The following ADAM20 variants were observed in gnomAD, a reference collection of about 807,000 sequenced individuals.
ADAM20 encodes the protein ADAM metallopeptidase domain 20.
For synonymous variants in ADAM20, 305 were observed against 310.2 expected (o/e 0.98, Z 0.18); for missense variants, 871 against 883.2 (o/e 0.99, Z 0.18).
Position 70,524,595 on chromosome 14 carries a change from C to T in ADAM20, c.163G>A (p.Ala55Thr), listed in dbSNP as rs1361765153. 3 of 1,613,996 alleles carry T rather than the reference C, an allele frequency of 1.9e-6. No homozygotes were observed. The highest frequency in any genetic ancestry group is 1.7e-6 in the Non-Finnish European group (2 of 1,179,954). The change falls in exon 2 of 2, where the codon GCA becomes ACA. Residue 55 changes from alanine (A) to threonine (T), a missense_variant. Ala to Thr is a moderately conservative substitution (Grantham distance 58, BLOSUM62 0). Coordinates refer to ENST00000256389, the MANE Select transcript of ADAM20 (RefSeq NM_003814.5). ...TAGGAGAGCCATCCAGGAGCCTTTG[C>T]ACCTCTGCCCCTGCTGATCACCTTC... Reference protein sequence around the residue: ...PLKVISRGRGAKAPGWLSYSL... With the variant: ...PLKVISRGRGTKAPGWLSYSL...
At chr14:70,524,979 G>C (rs779071246) in intron 1 of ADAM20, 46 bp from the exon 2 acceptor site, 2 of 1,487,672 alleles carry the variant, frequency 1.3e-6, no homozygotes, top group Middle Eastern at 2.5e-4. Context: ...GGGAGAAAGA[G>C]AGAGAGAAAA....
the ADAM20 span, among the ~76,000 whole-genome samples, chr14:70,555,949 G>A: frequency 6.6e-6 from 1 of 152,166 alleles, no homozygotes. Context: ...GACCAAGGAC[G>A]AGAAACCACT....
At chr14:70,567,182 A>C in the ADAM20 span, among the ~76,000 whole-genome samples, 2 of 152,162 alleles carry the variant, frequency 1.3e-5, no homozygotes. Flanking sequence ...CTGAGATGAC[A>C]GGTGCAATAC....
chr14:70,559,486 A>G, the ADAM20 span, among the ~76,000 whole-genome samples: 3 of 152,050 alleles, frequency 2.0e-5, no homozygotes, highest in Non-Finnish European at 2.9e-5. Flanking sequence ...ATCCATTCTT[A>G]TACTCGACAC....
At chr14:70,561,953 T>A in the ADAM20 span, among the ~76,000 whole-genome samples, 1 of 151,924 alleles carries the variant, frequency 6.6e-6, no homozygotes, top group South Asian at 2.1e-4. Flanking sequence ...GGGATTGGAG[T>A]CCCCACATAG....
At chr14:70,545,660 G>A in the ADAM20 span, among the ~76,000 whole-genome samples, 1 of 152,118 alleles carries the variant, frequency 6.6e-6, no homozygotes, top group African/African-American at 2.4e-5. Flanking sequence ...TCATCAAGAG[G>A]ATATGACAAT....
chr14:70,549,279 G>C, the ADAM20 span, among the ~76,000 whole-genome samples: 1 of 74,220 alleles, frequency 1.3e-5, no homozygotes, highest in African/African-American at 6.2e-5. Context: ...ACATCATCAT[G>C]ACAGGATCAA....
the ADAM20 span, among the ~76,000 whole-genome samples, chr14:70,555,009 A>G: frequency 2.6e-5 from 4 of 152,222 alleles, no homozygotes; most frequent in African/African-American, 4.8e-5. Flanking sequence ...GGTATGCCCT[A>G]TGTAAATGGA....
At chr14:70,573,366 T>C in the ADAM20 span, among the ~76,000 whole-genome samples, 2 of 152,256 alleles carry the variant, frequency 1.3e-5, no homozygotes, top group African/African-American at 4.8e-5. Context: ...CACTTATCAA[T>C]TGGCTAAACA....
chr14:70,532,226 G>T (rs1396561743), intron 1 of ADAM20, among the ~76,000 whole-genome samples: 1 of 151,954 alleles, frequency 6.6e-6, no homozygotes, highest in Non-Finnish European at 1.5e-5. Flanking sequence ...ACTACACAAT[G>T]GGGGAAAAAT....
chr14:70,579,255 A>G, the ADAM20 span, among the ~76,000 whole-genome samples: 3 of 152,006 alleles, frequency 2.0e-5, no homozygotes, highest in African/African-American at 7.2e-5. Context: ...CTTTGCAAAA[A>G]TCTCCAAACT....
the ADAM20 span, among the ~76,000 whole-genome samples, chr14:70,567,153 T>C: frequency 6.6e-6 from 1 of 152,164 alleles, no homozygotes; most frequent in Non-Finnish European, 1.5e-5. Flanking sequence ...TAGGAATTCA[T>C]GTACTCCCCT....
rs201128252 is a variant in ADAM20, at chr14:70,524,633, A to G, written c.125T>C (p.Val42Ala). ...GCTGATCACCTTCAAAGGGATCACC[A>G]CTTCTGGAGAAGTGAAATACTGGGA... Reference protein sequence around the residue: ...RPSQYFTSPEVVIPLKVISRG... With the variant: ...RPSQYFTSPEAVIPLKVISRG... Residue 42 changes from valine (V) to alanine (A), a missense_variant, in exon 2 of 2, where the codon GTG (valine) becomes GCG (alanine). Transcript: ENST00000256389. The G allele has an allele frequency of 6.2e-7, 1 of 1,613,996 alleles. No individual in the cohort carries two copies. Among genetic ancestry groups the G allele is most frequent in the East Asian group, 2.2e-5 (1 of 44,878 alleles).
chr14:70,536,465 C>CAAAAAAA (rs56738784), upstream of ADAM20, among the ~76,000 whole-genome samples: 227 of 43,116 alleles, frequency 5.3e-3, 7 homozygotes, highest in Non-Finnish European at 5.6e-3. Flanking sequence ...AACTCTGTCT[C>CAAAAAAA]AAAAAAAAAA....
chr14:70,524,591 T>C lies in ADAM20; in HGVS notation c.167A>G (p.Lys56Arg). ...LKVISRGRGA[K>R]APGWLSYSLR... ...GCTATAGGAGAGCCATCCAGGAGCC[T>C]TTGCACCTCTGCCCCTGCTGATCAC... is the stretch of plus-strand genomic sequence containing the variant. The change falls in exon 2 of 2, where the codon AAG becomes AGG. Residue 56 changes from lysine to arginine, a missense_variant. By Grantham distance (26) the Lys-to-Arg change is conservative. Coordinates refer to ENST00000256389, the MANE Select transcript of ADAM20 (RefSeq NM_003814.5). 6.2e-7 allele frequency: 1 copy of C among 1,613,942 alleles called. No homozygotes were observed. Among genetic ancestry groups the C allele is most frequent in the Non-Finnish European group, 8.5e-7 (1 of 1,179,938 alleles).
the ADAM20 span, among the ~76,000 whole-genome samples, chr14:70,544,579 AC>A: frequency 7.9e-5 from 12 of 152,208 alleles, no homozygotes; most frequent in Non-Finnish European, 7.4e-5. Flanking sequence ...CAGAGAAAAT[AC>A]CTAATTAAAC....
chr14:70,525,012 T>C, intron 1 of ADAM20, 79 bp from the exon 2 acceptor site: 1 of 1,248,606 alleles, frequency 8.0e-7, no homozygotes, highest in Admixed American at 2.4e-5. Flanking sequence ...TTCCTGCATT[T>C]GGACCATATT....
the ADAM20 span, among the ~76,000 whole-genome samples, chr14:70,542,253 T>C: frequency 8.5e-5 from 13 of 152,238 alleles, no homozygotes; most frequent in Admixed American, 6.5e-5. Context: ...TCTTAAGTTA[T>C]GGCAATATAG....
At chr14:70,553,992 A>G in the ADAM20 span, among the ~76,000 whole-genome samples, 7 of 152,200 alleles carry the variant, frequency 4.6e-5, no homozygotes, top group Non-Finnish European at 1.0e-4. Context: ...GAAGAAGTCA[A>G]ATGATTATTG....
Sources: gnomAD v4.1 joint callset for allele counts (sites outside exome capture counted in the v4.1 genomes callset) on GRCh38, gnomAD v4.1.1 for gene constraint, MANE v1.5 for transcripts, NCBI Gene and HGNC (gene_info 2026-07-23, HGNC 2026-07-21) for gene names.